The following BCL6B variants were observed in gnomAD, a reference collection of about 807,000 sequenced individuals.
The protein encoded by BCL6B is BCL6B transcription repressor.
BCL6B carries 28 observed loss-of-function variants against 44.6 expected under a neutral mutation model. The observed-to-expected ratio is 0.63, with a 90% CI of 0.47 to 0.86. BCL6B has a LOEUF of 0.86. Ranked by LOEUF, BCL6B falls within the 40% of genes least tolerant of loss-of-function variation. The pLI, the probability that BCL6B is intolerant of heterozygous loss-of-function variation, is 0.00. For synonymous variants in BCL6B, 268 were observed against 263.6 expected (o/e 1.02, Z -0.16); for missense variants, 626 against 652.3 (o/e 0.96, Z 0.44).
chr17:7,028,621 A>G lies in BCL6B; in HGVS notation c.*1002A>G, dbSNP rs1910369855. On this transcript the variant is annotated 3_prime_UTR_variant, in exon 9 of 9. Transcript: ENST00000293805. ...CACCAGGGCTCAAGTGGAGTCCATC[A>G]TCCTCCCACGGGGGCCTGTTCTTAG... The G allele has an allele frequency of 1.0e-6, 1 of 985,306 alleles. No homozygotes were observed. Among genetic ancestry groups the G allele is most frequent in the Admixed American group, 6.1e-5 (1 of 16,270 alleles). The allele number at this position is 985,306 out of a possible 1,614,324, so 61.0% of individuals were successfully genotyped here. A position where few individuals can be genotyped will look rare whatever the true frequency, so the allele number is the denominator to read the frequency against.
In BCL6B at chr17:7,028,262, T is replaced by C. The variant is rs905224807; in HGVS notation, c.*643T>C. On this transcript the variant is annotated 3_prime_UTR_variant, in exon 9 of 9. Coordinates refer to ENST00000293805, the MANE Select transcript of BCL6B (RefSeq NM_181844.4). ...CTAGGTCTGGAACCTTTATTTGTTC[T>C]AGGGCAGCTCTGGGAACATGCGGGA... is the stretch of plus-strand genomic sequence containing the variant. 14 of 985,588 alleles carry C rather than the reference T, an allele frequency of 1.4e-5. No homozygotes were observed. The African/African-American group carries it at 2.4e-4, about 17-fold the overall frequency. The allele number at this position is 985,588 out of a possible 1,614,324, so 61.1% of individuals were successfully genotyped here.
intron 5 of BCL6B, among the ~76,000 whole-genome samples, chr17:7,025,915 CTTTTA>C (rs1910275546): frequency 6.7e-6 from 1 of 149,958 alleles, no homozygotes; most frequent in Non-Finnish European, 1.5e-5. Context: ...ACCACCACTG[CTTTTA>C]TTTTATTTAT....
chr17:7,023,182 C>G (rs1014480965), intron 1 of BCL6B, 83 bp downstream of exon 1: 1 of 157,512 alleles, frequency 6.3e-6, no homozygotes, highest in African/African-American at 2.4e-5. Context: ...ATCAGCGAGC[C>G]TGAGTCCCAG....
In BCL6B at chr17:7,024,333, T is replaced by TG; in HGVS notation, c.401+32dup. 1 of 1,613,682 alleles carries TG rather than the reference T, an allele frequency of 6.2e-7. No individual in the cohort carries two copies. The highest frequency in any genetic ancestry group is 8.5e-7 in the Non-Finnish European group (1 of 1,179,916). On this transcript the variant is annotated intron_variant, in intron 3 of 8. Coordinates refer to ENST00000293805, the MANE Select transcript of BCL6B (RefSeq NM_181844.4). The surrounding 1 kb of genome is among the most constrained non-coding windows in gnomAD (Gnocchi z 6.6). Reference sequence around the variant, plus strand: ...AGGGACCCTGGCTCGGCGTTCTCTGTGGGTGAGGTGTTAAGGGCAAAGGCA... The same window carrying TG: ...AGGGACCCTGGCTCGGCGTTCTCTGTGGGGTGAGGTGTTAAGGGCAAAGGCA...
In BCL6B at chr17:7,023,729, C is replaced by T; in HGVS notation, c.58C>T (p.His20Tyr). ...GGGCTACGTCCGCGAGTTCACTCGC[C>T]ACTCCTCCGACGTGCTGGGCAACCT... ...ALGYVREFTR[H>Y]SSDVLGNLNE... Residue 20 changes from histidine (H) to tyrosine (Y), a missense_variant, in exon 2 of 9, where the codon CAC becomes TAC. Coordinates refer to ENST00000293805, the MANE Select transcript of BCL6B (RefSeq NM_181844.4). 6.2e-7 allele frequency: 1 copy of T among 1,613,256 alleles called. No homozygotes were observed. The highest frequency in any genetic ancestry group is 8.5e-7 in the Non-Finnish European group (1 of 1,180,020).
At chr17:7,023,915 A>G in intron 2 of BCL6B, 65 bp downstream of exon 2, 2 of 1,572,474 alleles carry the variant, frequency 1.3e-6, no homozygotes, top group Non-Finnish European at 1.7e-6. Context: ...GGCCGTTGAG[A>G]GGGAATCCGA....
At position 7,028,973 on chromosome 17, in the gene BCL6B, G is replaced by A; in HGVS notation, c.*1354G>A. 1 of 985,416 alleles carries A rather than the reference G, an allele frequency of 1.0e-6. No individual in the cohort carries two copies. Among genetic ancestry groups the A allele is most frequent in the Non-Finnish European group, 1.2e-6 (1 of 829,936 alleles). 61.0% of individuals were successfully genotyped at this position (985,416 alleles called of 1,614,324 possible). A position where few individuals can be genotyped will look rare whatever the true frequency, so the allele number is the denominator to read the frequency against. Reference sequence around the variant, plus strand: ...TTGGTAACCTTACCTTTTAAAAGCTGGGTCTGTGACCTGGTCTTCCCATCC... The same window carrying A: ...TTGGTAACCTTACCTTTTAAAAGCTAGGTCTGTGACCTGGTCTTCCCATCC... On this transcript the variant is annotated 3_prime_UTR_variant, in exon 9 of 9. Transcript: ENST00000293805.
Position 7,029,358 on chromosome 17 carries a change from A to C in BCL6B, c.*1739A>C, listed in dbSNP as rs17732290. 61,286 of 869,502 alleles carry C rather than the reference A, an allele frequency of 0.07. 1,903 individuals carry two copies. The highest frequency in any genetic ancestry group is 0.075 in the Non-Finnish European group (54,918 of 729,882). The allele number at this position is 869,502 out of a possible 1,614,324, so 53.9% of individuals were successfully genotyped here. On this transcript the variant is annotated 3_prime_UTR_variant, in exon 9 of 9. Coordinates refer to ENST00000293805, the MANE Select transcript of BCL6B (RefSeq NM_181844.4). ...TATCTGATTATGGGACGAGGGTAGA[A>C]AGTAAGAAGCACTTTTGAATTTGTG... is the stretch of plus-strand genomic sequence containing the variant.
intron 5 of BCL6B, among the ~76,000 whole-genome samples, chr17:7,025,428 T>C (rs1030626008): frequency 2.6e-5 from 4 of 152,228 alleles, no homozygotes; most frequent in Non-Finnish European, 5.9e-5. Context: ...GTGCTTCCAA[T>C]GAGCAGCAAA....
rs754708554 is a variant in BCL6B at position 7,023,828 on chromosome 17, A to G, written c.157A>G (p.Lys53Glu). 1.2e-6 allele frequency: 2 copies of G among 1,612,748 alleles called. No homozygotes were observed. The highest frequency in any genetic ancestry group is 2.2e-5 in the South Asian group (2 of 91,066). Residue 53 changes from lysine (K) to glutamate (E), a missense_variant, in exon 2 of 9, where the codon AAG (lysine) becomes GAG (glutamate). Coordinates refer to ENST00000293805, the MANE Select transcript of BCL6B (RefSeq NM_181844.4). ...LVGGQPLRAHKAVLIACSGFF... is the reference protein window; with the variant it reads ...LVGGQPLRAHEAVLIACSGFF... ...TGGCGGGCAACCCCTCAGAGCACAC[A>G]AGGCAGTTCTCATCGCCTGCAGGTT...
At chr17:7,027,453 A>G (rs2151664640) in intron 8 of BCL6B, 50 bp from the exon 9 acceptor site, 1 of 1,604,360 alleles carries the variant, frequency 6.2e-7, no homozygotes, top group East Asian at 2.2e-5. Context: ...CTCAACACCT[A>G]AAAGGTGATT....
rs768040197 is a variant in BCL6B at position 7,023,688 on chromosome 17, C to T, written c.17C>T (p.Ala6Val). 7.4e-6 allele frequency: 12 copies of T among 1,612,736 alleles called. No individual in the cohort carries two copies. The highest frequency in any genetic ancestry group is 9.3e-6 in the Non-Finnish European group (11 of 1,179,850). MGSPA[A>V]PEGALGYVRE... ...TGTGTCGCTATGGGTTCCCCCGCCG[C>T]CCCGGAGGGAGCGCTGGGCTACGTC... Residue 6 changes from alanine to valine, a missense_variant, in exon 2 of 9, where the codon GCC becomes GTC. Ala to Val is a moderately conservative substitution (Grantham distance 64). Coordinates refer to ENST00000293805, the MANE Select transcript of BCL6B (RefSeq NM_181844.4).
chr17:7,028,132 TTC>T lies in BCL6B; in HGVS notation c.*515_*516del, dbSNP rs2151664894. Reference sequence around the variant, plus strand: ...GTTTGGCTTGGGTATTTTATATTATTTCTGTCATAACTTTTATCTTTAGAATT... The same window carrying T: ...GTTTGGCTTGGGTATTTTATATTATTTGTCATAACTTTTATCTTTAGAATT... On this transcript the variant is annotated 3_prime_UTR_variant, in exon 9 of 9. Transcript: ENST00000293805. The T allele has an allele frequency of 1.0e-6, 1 of 986,538 alleles. No homozygotes were observed. The highest frequency in any genetic ancestry group is 4.7e-5 in the South Asian group (1 of 21,356). The allele number at this position is 986,538 out of a possible 1,614,324, so 61.1% of individuals were successfully genotyped here.
chr17:7,026,167 G>A (rs1289795804), intron 5 of BCL6B, among the ~76,000 whole-genome samples: 3 of 152,092 alleles, frequency 2.0e-5, no homozygotes, highest in Admixed American at 6.5e-5. Context: ...TGATCCGACC[G>A]CCTCGGCCTC....
chr17:7,027,498 C>A lies in BCL6B; in HGVS notation c.1324-5C>A, dbSNP rs780749063. ...GCAGGGCCTGACTTGGCTGTCCTCC[C>A]ACAGTGCGACCCCTGTGGCCTGCAT... On this transcript the variant is annotated splice_polypyrimidine_tract_variant and splice_region_variant and intron_variant, in intron 8 of 8. Coordinates refer to ENST00000293805, the MANE Select transcript of BCL6B (RefSeq NM_181844.4). 1.4e-5 allele frequency: 22 copies of A among 1,613,752 alleles called. No homozygotes were observed. The highest frequency in any genetic ancestry group is 1.9e-5 in the Non-Finnish European group (22 of 1,180,034).
chr17:7,023,621 G>T lies in BCL6B; in HGVS notation c.-12-39G>T, dbSNP rs754952374. ...AAACAGAGGAGGGAAGGCGTCTTAGGACTGCCTGGATCCAGAGCACTTTCC... is the reference window on the plus strand; with the variant it reads ...AAACAGAGGAGGGAAGGCGTCTTAGTACTGCCTGGATCCAGAGCACTTTCC... On this transcript the variant is annotated intron_variant, in intron 1 of 8. Coordinates refer to ENST00000293805, the MANE Select transcript of BCL6B (RefSeq NM_181844.4). 6.4e-6 allele frequency: 10 copies of T among 1,560,680 alleles called. No individual in the cohort carries two copies. In the Middle Eastern group the frequency reaches 7.0e-4, roughly 109 times the overall value.
Position 7,027,528 on chromosome 17 carries a change from G to A in BCL6B, c.1349G>A (p.Arg450Gln), listed in dbSNP as rs1013591816. 3.7e-6 allele frequency: 6 copies of A among 1,613,708 alleles called. No individual in the cohort carries two copies. The highest frequency in any genetic ancestry group is 2.7e-5 in the African/African-American group (2 of 74,894). Reference protein sequence around the residue: ...YHCDPCGLHFRHKSQLRLHLR... With the variant: ...YHCDPCGLHFQHKSQLRLHLR... The stretch of plus-strand genomic sequence containing the variant: ...TGCGACCCCTGTGGCCTGCATTTCC[G>A]GCACAAGAGTCAACTGCGGCTGCAT... Residue 450 changes from arginine (R) to glutamine (Q), a missense_variant, in exon 9 of 9, where the codon CGG becomes CAG. Physicochemically the swap from Arg to Gln is conservative, Grantham distance 43. Coordinates refer to ENST00000293805, the MANE Select transcript of BCL6B (RefSeq NM_181844.4).
At position 7,024,809 on chromosome 17, in the gene BCL6B, T is replaced by A. The variant is rs1221538938; in HGVS notation, c.764+46T>A. On this transcript the variant is annotated intron_variant, in intron 4 of 8. Transcript: ENST00000293805. The surrounding 1 kb of genome is among the most constrained non-coding windows in gnomAD (Gnocchi z 6.6). ...AGAATTTGTCAGAGCTGGCCTCAGC[T>A]AGAAGACAGAGTCATTGGGCCTTGA... The A allele has an allele frequency of 3.9e-6, 6 of 1,547,466 alleles. No homozygotes were observed. Among genetic ancestry groups the A allele is most frequent in the Non-Finnish European group, 5.2e-6 (6 of 1,147,166 alleles).
At position 7,028,700 on chromosome 17, in the gene BCL6B, A is replaced by G. The variant is rs1033391755; in HGVS notation, c.*1081A>G. ...GATCAGACATTCCTTATCAGAGATG[A>G]TGTGACCTTTTCTGACTCTGCCCAG... On this transcript the variant is annotated 3_prime_UTR_variant, in exon 9 of 9. Coordinates refer to ENST00000293805, the MANE Select transcript of BCL6B (RefSeq NM_181844.4). 1.0e-6 allele frequency: 1 copy of G among 985,302 alleles called. No homozygotes were observed. The highest frequency in any genetic ancestry group is 1.7e-5 in the African/African-American group (1 of 57,228). The allele number at this position is 985,302 out of a possible 1,614,324, so 61.0% of individuals were successfully genotyped here. A position where few individuals can be genotyped will look rare whatever the true frequency, so the allele number is the denominator to read the frequency against.
Sources: allele counts gnomAD v4.1 joint callset (sites outside exome capture counted in the v4.1 genomes callset), GRCh38; gene constraint gnomAD v4.1.1; non-coding constraint Gnocchi (gnomAD v3.1); transcripts MANE v1.5; gene names NCBI Gene and HGNC (gene_info 2026-07-23, HGNC 2026-07-21).